Variants in KRT15 observed in about 807,000 individuals in gnomAD.
The protein encoded by KRT15 is keratin 15.
A neutral mutation model predicts 46.6 loss-of-function variants in KRT15; 45 were observed. The ratio of observed to expected loss-of-function variants is 0.97; its 90% confidence interval spans 0.76 to 1.24. The LOEUF is 1.24. Among genes scored for constraint, KRT15 ranks in the 50% most tolerant of loss-of-function variants. The pLI is 0.00. For synonymous variants in KRT15, 221 were observed against 233.8 expected (o/e 0.95, Z 0.50); for missense variants, 592 against 588.9 (o/e 1.01, Z -0.05).
chr17:41,516,920 A>C lies in KRT15; in HGVS notation c.626T>G (p.Ile209Ser). Residue 209 changes from isoleucine (I) to serine (S), a missense_variant, in exon 3 of 8, where the codon ATC (isoleucine) becomes AGC (serine). Ile to Ser is a moderately radical substitution (Grantham distance 142). Coordinates refer to ENST00000254043, the MANE Select transcript of KRT15 (RefSeq NM_002275.4). The stretch of plus-strand genomic sequence containing the variant: ...ATCCAGGACTCGGCGCAAGCCGTTG[A>C]TGTCAGCCTCAACGCCCTGGCGCAG... ...LALRQGVEAD[I>S]NGLRRVLDEL... 1 of 1,614,240 alleles carries C rather than the reference A, an allele frequency of 6.2e-7. No individual in the cohort carries two copies. The highest frequency in any genetic ancestry group is 1.3e-5 in the African/African-American group (1 of 75,060).
rs759194461 is a variant in KRT15, at chr17:41,518,792, G to A, written c.36C>T (p.Thr12=). ...TTTFLQTSSS[T]FGGGSTRGGS... Reference sequence around the variant, plus strand: ...CCCCTCGGGTTGAGCCACCCCCAAAGGTGGAGGAAGAAGTTTGCAGAAATG... The same window carrying A: ...CCCCTCGGGTTGAGCCACCCCCAAAAGTGGAGGAAGAAGTTTGCAGAAATG... Residue 12 remains threonine (T), a synonymous_variant, in exon 1 of 8, where the codon ACC becomes ACT. Transcript: ENST00000254043. 13 of 1,546,958 alleles carry A rather than the reference G, an allele frequency of 8.4e-6. No homozygotes were observed. The Admixed American group carries it at 1.3e-4, about 15-fold the overall frequency.
intron 7 of KRT15, 119 bp downstream of exon 7, chr17:41,514,530 G>C (rs1905265831): frequency 1.1e-6 from 1 of 912,328 alleles, no homozygotes; most frequent in South Asian, 1.5e-5. Flanking sequence ...CTAATGAATG[G>C]GAATGTTCCC....
At chr17:41,514,174 G>A (rs1165955940) in intron 7 of KRT15, 54 bp from the exon 8 acceptor site, 25 of 1,415,756 alleles carry the variant, frequency 1.8e-5, no homozygotes, top group South Asian at 5.7e-5. Context: ...GCTCTGCCAC[G>A]GTGGCCAGGA....
Position 41,513,942 on chromosome 17 carries a change from T to C in KRT15, c.*81A>G. On this transcript the variant is annotated 3_prime_UTR_variant, in exon 8 of 8. Transcript: ENST00000254043. ...CTGAAGGCAGGGACTGGAGTTTGCA[T>C]GTGCAGGCCCTCTGGCCAGTCCTCC... 2.9e-6 allele frequency: 3 copies of C among 1,028,450 alleles called. No homozygotes were observed. In the South Asian group the frequency reaches 3.8e-5, roughly 13 times the overall value. 63.7% of individuals were successfully genotyped at this position (1,028,450 alleles called of 1,614,324 possible). A position where few individuals can be genotyped will look rare whatever the true frequency, so the allele number is the denominator to read the frequency against.
intron 3 of KRT15, 134 bp downstream of exon 3, chr17:41,516,674 C>T: frequency 9.6e-7 from 1 of 1,036,342 alleles, no homozygotes; most frequent in African/African-American, 1.6e-5. Flanking sequence ...CTCTGCCTCC[C>T]ACTGACTTAA....
At position 41,517,039 on chromosome 17, in the gene KRT15, T is replaced by C. The variant is rs373152898; in HGVS notation, c.581+44A>G. 10 of 1,613,772 alleles carry C rather than the reference T, an allele frequency of 6.2e-6. No individual in the cohort carries two copies. The Admixed American group carries it at 1.3e-4, about 22-fold the overall frequency. On this transcript the variant is annotated intron_variant, in intron 2 of 7. Coordinates refer to ENST00000254043, the MANE Select transcript of KRT15 (RefSeq NM_002275.4). ...GAGTCAGAGCCAGGAGAAGGCCAAG[T>C]AAAGTGGGCAATGCAGGAAGAGGAG...
Position 41,516,342 on chromosome 17 carries a change from C to A in KRT15, c.739-77G>T, listed in dbSNP as rs1425978585. On this transcript the variant is annotated intron_variant, in intron 3 of 7. Coordinates refer to ENST00000254043, the MANE Select transcript of KRT15 (RefSeq NM_002275.4). ...AGAGTCTGGCGTCACACATGCCAATCCTGGCTCTGCCCGTAACACACCCCA... is the reference window on the plus strand; with the variant it reads ...AGAGTCTGGCGTCACACATGCCAATACTGGCTCTGCCCGTAACACACCCCA... 2.7e-6 allele frequency: 4 copies of A among 1,479,460 alleles called. No homozygotes were observed. In the African/African-American group the frequency reaches 4.2e-5, roughly 15 times the overall value. The allele number at this position is 1,479,460 out of a possible 1,614,324, so 91.6% of individuals were successfully genotyped here. A position where few individuals can be genotyped will look rare whatever the true frequency, so the allele number is the denominator to read the frequency against.
In KRT15 at chr17:41,513,856, A is replaced by T; in HGVS notation, c.*167T>A. ...CTCCAAAGAAGGTGGGGAGAGGCAG[A>T]GGGGGAATAGAGCGCATGCAAAGCC... On this transcript the variant is annotated 3_prime_UTR_variant, in exon 8 of 8. Coordinates refer to ENST00000254043, the MANE Select transcript of KRT15 (RefSeq NM_002275.4). 1 of 625,796 alleles carries T rather than the reference A, an allele frequency of 1.6e-6. No individual in the cohort carries two copies. The highest frequency in any genetic ancestry group is 1.8e-5 in the South Asian group (1 of 54,642). The allele number at this position is 625,796 out of a possible 1,614,324, so 38.8% of individuals were successfully genotyped here.
intron 5 of KRT15, 96 bp downstream of exon 5, chr17:41,515,789 T>A: frequency 6.2e-7 from 1 of 1,603,204 alleles, no homozygotes; most frequent in South Asian, 1.1e-5. Flanking sequence ...GGGAACCACC[T>A]CTTGAGGGGG....
At position 41,518,595 on chromosome 17, in the gene KRT15, C is replaced by T. The variant is rs1303810856; in HGVS notation, c.233G>A (p.Gly78Asp). 6.8e-6 allele frequency: 11 copies of T among 1,613,626 alleles called. No homozygotes were observed. Among genetic ancestry groups the T allele is most frequent in the Non-Finnish European group, 9.3e-6 (11 of 1,179,898 alleles). The change falls in exon 1 of 8, where the codon GGT becomes GAT. Residue 78 changes from glycine (G) to aspartate (D), a missense_variant. Physicochemically the swap from Gly to Asp is moderately conservative, Grantham distance 94. Transcript: ENST00000254043. ...GFGGGAGSVF[G>D]GGFGGGVGGG... The stretch of plus-strand genomic sequence containing the variant: ...ACCAACGCCCCCTCCAAAGCCTCCA[C>T]CGAAAACACTACCAGCCCCTCCACC...
In KRT15 at chr17:41,513,831, C is replaced by T. The variant is rs1905240422; in HGVS notation, c.*192G>A. The T allele has an allele frequency of 6.8e-6, 4 of 588,176 alleles. No individual in the cohort carries two copies. The highest frequency in any genetic ancestry group is 5.8e-5 in the South Asian group (3 of 52,036). 36.4% of individuals were successfully genotyped at this position (588,176 alleles called of 1,614,324 possible). A position where few individuals can be genotyped will look rare whatever the true frequency, so the allele number is the denominator to read the frequency against. On this transcript the variant is annotated 3_prime_UTR_variant, in exon 8 of 8. Coordinates refer to ENST00000254043, the MANE Select transcript of KRT15 (RefSeq NM_002275.4). ...TACACAATACAGCTGCATCTCCTTG[C>T]TCCAAAGAAGGTGGGGAGAGGCAGA...
Position 41,515,667 on chromosome 17 carries a change from G to C in KRT15, c.1052C>G (p.Ala351Gly). The C allele has an allele frequency of 6.2e-7, 1 of 1,614,070 alleles. No homozygotes were observed. Among genetic ancestry groups the C allele is most frequent in the Non-Finnish European group, 8.5e-7 (1 of 1,179,976 alleles). ...CGTGGCATAGCGGCACTCTGTCTCGGCCAGTGAGTTCTCCAGCCCAGCTTT... is the reference window on the plus strand; with the variant it reads ...CGTGGCATAGCGGCACTCTGTCTCGCCCAGTGAGTTCTCCAGCCCAGCTTT... ...SMKAGLENSL[A>G]ETECRYATQL... Residue 351 changes from alanine (A) to glycine (G), a missense_variant, in exon 6 of 8, where the codon GCC becomes GGC. Transcript: ENST00000254043.
Position 41,518,390 on chromosome 17 carries a change from T to C in KRT15, c.438A>G (p.Pro146=). ...GGCTGTAGTCGCATTCTGGGCTGGT[T>C]GGGGTCTGCTTCTGGTACCAGTCAT... ...KIHDWYQKQT[P]TSPECDYSQY... is the part of the protein sequence containing the mutation. Residue 146 remains proline (P), a synonymous_variant, in exon 1 of 8, where the codon CCA becomes CCG. Coordinates refer to ENST00000254043, the MANE Select transcript of KRT15 (RefSeq NM_002275.4). 1 of 1,614,066 alleles carries C rather than the reference T, an allele frequency of 6.2e-7. No homozygotes were observed. The highest frequency in any genetic ancestry group is 8.5e-7 in the Non-Finnish European group (1 of 1,179,976).
intron 3 of KRT15, 95 bp from the exon 4 acceptor site, chr17:41,516,360 A>G: frequency 7.5e-7 from 1 of 1,325,456 alleles, no homozygotes; most frequent in Non-Finnish European, 1.0e-6. Flanking sequence ...TGCCCGTAAC[A>G]CACCCCAACC....
Position 41,518,495 on chromosome 17 carries a change from G to A in KRT15, c.333C>T (p.Asn111=). Reference sequence around the variant, plus strand: ...GGTAGGAGGCCAGGCGGTCATTGAGGTTCTGCATGGTAATTTTCTCATTGC... The same window carrying A: ...GGTAGGAGGCCAGGCGGTCATTGAGATTCTGCATGGTAATTTTCTCATTGC... ...LSGNEKITMQ[N]LNDRLASYLD... The change falls in exon 1 of 8, where the codon AAC becomes AAT. Residue 111 remains asparagine, a synonymous_variant. Coordinates refer to ENST00000254043, the MANE Select transcript of KRT15 (RefSeq NM_002275.4). 5 of 1,614,012 alleles carry A rather than the reference G, an allele frequency of 3.1e-6. No individual in the cohort carries two copies. The highest frequency in any genetic ancestry group is 4.2e-6 in the Non-Finnish European group (5 of 1,180,014).
Position 41,517,125 on chromosome 17 carries a change from T to G in KRT15, c.539A>C (p.Glu180Ala). Residue 180 changes from glutamate to alanine, a missense_variant, in exon 2 of 8, where the codon GAG becomes GCG. Physicochemically the swap from Glu to Ala is moderately radical, Grantham distance 107. Transcript: ENST00000254043. The part of the protein sequence containing the change: ...TTIDNSRVIL[E>A]IDNARLAADD... Reference sequence around the variant, plus strand: ...CGCAGCCAGCCTGGCATTGTCGATCTCCAGGATGACCCGGGAGTTGTCGAT... The same window carrying G: ...CGCAGCCAGCCTGGCATTGTCGATCGCCAGGATGACCCGGGAGTTGTCGAT... 1.2e-6 allele frequency: 2 copies of G among 1,614,156 alleles called. No individual in the cohort carries two copies. The highest frequency in any genetic ancestry group is 1.7e-6 in the Non-Finnish European group (2 of 1,180,022).
In KRT15 at chr17:41,515,997, T is replaced by A. The variant is rs1397556671; in HGVS notation, c.914A>T (p.Asn305Ile). The change falls in exon 5 of 8, where the codon AAC (asparagine) becomes ATC (isoleucine). Residue 305 changes from asparagine to isoleucine, a missense_variant. Asn to Ile is a moderately radical substitution (Grantham distance 149). Transcript: ENST00000254043. ...TTCTGTGTTGGAGGCCACCTCTTTG[T>A]TCAGCTCCTCAGTCTGTAGGTCATG... ...AWFFSKTEELNKEVASNTEMI... is the reference protein window; with the variant it reads ...AWFFSKTEELIKEVASNTEMI... The A allele has an allele frequency of 1.2e-6, 2 of 1,614,198 alleles. No homozygotes were observed. The highest frequency in any genetic ancestry group is 1.7e-6 in the Non-Finnish European group (2 of 1,180,016).
chr17:41,515,215 T>C, intron 6 of KRT15: 1 of 537,146 alleles, frequency 1.9e-6, no homozygotes, highest in Non-Finnish European at 3.4e-6. Flanking sequence ...GAGAATGGAA[T>C]GAGCACTAGA....
At position 41,514,065 on chromosome 17, in the gene KRT15, T is replaced by C; in HGVS notation, c.1329A>G (p.Ser443=). 6.2e-7 allele frequency: 1 copy of C among 1,614,190 alleles called. No homozygotes were observed. Among genetic ancestry groups the C allele is most frequent in the Non-Finnish European group, 8.5e-7 (1 of 1,179,982 alleles). The change falls in exon 8 of 8, where the codon TCA becomes TCG. Residue 443 remains serine, a synonymous_variant. Transcript: ENST00000254043. The part of the protein sequence containing the change: ...SSNFHINVEE[S]VDGQVVSSHK... Reference sequence around the variant, plus strand: ...GGGAAGAAACCACCTGTCCATCCACTGACTCTTCTACATTGATGTGGAAAT... The same window carrying C: ...GGGAAGAAACCACCTGTCCATCCACCGACTCTTCTACATTGATGTGGAAAT...
Sources: gnomAD v4.1 joint callset for allele counts on GRCh38, gnomAD v4.1.1 for gene constraint, MANE v1.5 for transcripts, NCBI Gene and HGNC (gene_info 2026-07-23, HGNC 2026-07-21) for gene names.